The following RDH10 variants were observed in gnomAD, a reference collection of about 807,000 sequenced individuals.
RDH10 encodes the protein retinol dehydrogenase 10, also known as retinol dehydrogenase 10 (all-trans).
A neutral mutation model predicts 30.2 loss-of-function variants in RDH10; 12 were observed. That is an observed-to-expected ratio of 0.40 (90% CI 0.25 to 0.64). The LOEUF is 0.64. RDH10 is among the 30% of genes least tolerant of loss of function. The pLI is 0.43. For synonymous variants in RDH10, 189 were observed against 172.2 expected, an observed-to-expected ratio of 1.10 and a Z score of -0.76; for missense variants, 268 against 445.2, an observed-to-expected ratio of 0.60 and a Z score of 3.58.
At chr8:73,304,862 C>T (rs1196973286) in intron 2 of RDH10, among the ~76,000 whole-genome samples, 1 of 152,132 alleles carries the variant, frequency 6.6e-6, no homozygotes, top group Non-Finnish European at 1.5e-5. Flanking sequence ...GATGGCAGTC[C>T]CTGTAAAATA....
chr8:73,319,259 C>A (rs1365728648), intron 3 of RDH10, 65 bp downstream of exon 3: 3 of 1,126,088 alleles, frequency 2.7e-6, no homozygotes, highest in Admixed American at 1.9e-5. Flanking sequence ...ACACCAGAAC[C>A]TCCAGGAGAG....
intron 2 of RDH10, among the ~76,000 whole-genome samples, chr8:73,307,493 A>G (rs1814483787): frequency 6.6e-6 from 1 of 152,256 alleles, no homozygotes; most frequent in South Asian, 2.1e-4. Flanking sequence ...AAATTTTTAT[A>G]TAGCACTTAA....
chr8:73,294,808 T>C lies in RDH10; in HGVS notation c.-482T>C. 2.7e-6 allele frequency: 1 copy of C among 372,258 alleles called. No individual in the cohort carries two copies. Among genetic ancestry groups the C allele is most frequent in the Admixed American group, 4.6e-5 (1 of 21,846 alleles). The allele number at this position is 372,258 out of a possible 1,614,324, so 23.1% of individuals were successfully genotyped here. A position where few individuals can be genotyped will look rare whatever the true frequency, so the allele number is the denominator to read the frequency against. On this transcript the variant is annotated 5_prime_UTR_variant, in exon 1 of 6. Transcript: ENST00000240285. Reference sequence around the variant, plus strand: ...CCCCACTCTCCCACCCTCTCGCAACTTGGGTCGAGTTGACAACTCCCGCGG... The same window carrying C: ...CCCCACTCTCCCACCCTCTCGCAACCTGGGTCGAGTTGACAACTCCCGCGG...
At chr8:73,307,739 G>T (rs1814487916) in intron 2 of RDH10, among the ~76,000 whole-genome samples, 1 of 152,196 alleles carries the variant, frequency 6.6e-6, no homozygotes, top group African/African-American at 2.4e-5. Flanking sequence ...AAAGCTCCTG[G>T]TACAGTAGGT....
At chr8:73,319,319 T>C in intron 3 of RDH10, 125 bp downstream of exon 3, 1 of 642,368 alleles carries the variant, frequency 1.6e-6, no homozygotes, top group South Asian at 2.0e-5. Flanking sequence ...ACTCTGCATG[T>C]GTGCTGCATG....
At chr8:73,319,500 G>A (rs1274271517) in intron 3 of RDH10, among the ~76,000 whole-genome samples, 1 of 152,176 alleles carries the variant, frequency 6.6e-6, no homozygotes, top group Non-Finnish European at 1.5e-5. Context: ...ACTTCAGCCT[G>A]GGAGATAGAG....
At position 73,295,009 on chromosome 8, in the gene RDH10, G is replaced by GGGAC. The variant is rs1265624794; in HGVS notation, c.-278_-275dup. 1.1e-5 allele frequency: 4 copies of GGGAC among 373,572 alleles called. No individual in the cohort carries two copies. The highest frequency in any genetic ancestry group is 1.9e-5 in the Non-Finnish European group (4 of 210,254). The allele number at this position is 373,572 out of a possible 1,614,324, so 23.1% of individuals were successfully genotyped here. ...GCGGAGCCGGCCGGCCGGGCGCTGC[G>GGGAC]GGACGGGCGGGCGGCTGCCGGCAGG... On this transcript the variant is annotated 5_prime_UTR_variant, in exon 1 of 6. Coordinates refer to ENST00000240285, the MANE Select transcript of RDH10 (RefSeq NM_172037.5).
chr8:73,297,168 C>T, intron 1 of RDH10, 26 bp from the exon 2 acceptor site: 1 of 1,351,862 alleles, frequency 7.4e-7, no homozygotes, highest in Non-Finnish European at 1.1e-6. Context: ...TGCATGTTTT[C>T]TCCTCATCTG....
intron 4 of RDH10, 90 bp downstream of exon 4, chr8:73,321,167 C>G: frequency 8.5e-7 from 1 of 1,172,570 alleles, no homozygotes. Flanking sequence ...TGTATTTTAA[C>G]TATCATTTGA....
At chr8:73,301,515 T>C (rs966911542) in intron 2 of RDH10, among the ~76,000 whole-genome samples, 2 of 151,818 alleles carry the variant, frequency 1.3e-5, no homozygotes, top group African/African-American at 4.8e-5. Context: ...CCCAGCACTT[T>C]GGAAGGCCAA....
Position 73,294,876 on chromosome 8 carries a change from C to T in RDH10, c.-414C>T, listed in dbSNP as rs1814224127. On this transcript the variant is annotated 5_prime_UTR_variant, in exon 1 of 6. Transcript: ENST00000240285. ...CCGCCTCCGCTGCGCACCCCTCCCCCGGGGTGAGAGGGAGCCGGCGCGCCG... is the reference window on the plus strand; with the variant it reads ...CCGCCTCCGCTGCGCACCCCTCCCCTGGGGTGAGAGGGAGCCGGCGCGCCG... The T allele has an allele frequency of 2.6e-6, 1 of 391,722 alleles. No individual in the cohort carries two copies. The highest frequency in any genetic ancestry group is 4.5e-6 in the Non-Finnish European group (1 of 221,550). The allele number at this position is 391,722 out of a possible 1,614,324, so 24.3% of individuals were successfully genotyped here.
At chr8:73,305,135 C>T (rs564423429) in intron 2 of RDH10, among the ~76,000 whole-genome samples, 24 of 152,322 alleles carry the variant, frequency 1.6e-4, no homozygotes, top group African/African-American at 5.1e-4. Flanking sequence ...CAGAGTGCCC[C>T]GGCAGAGCCC....
chr8:73,324,888 G>T lies in RDH10; in HGVS notation c.*1852G>T, dbSNP rs1260119462. On this transcript the variant is annotated 3_prime_UTR_variant, in exon 6 of 6. Transcript: ENST00000240285. ...GTGTGTGCTAATGTTCCCAATGCAG[G>T]ACTTGAGGAAGAGCTCTGTTATATG... is the stretch of plus-strand genomic sequence containing the variant. 1 of 152,202 alleles carries T rather than the reference G, an allele frequency of 6.6e-6. No homozygotes were observed. The highest frequency in any genetic ancestry group is 1.5e-5 in the Non-Finnish European group (1 of 68,044). 9.4% of individuals were successfully genotyped at this position (152,202 alleles called of 1,614,324 possible).
intron 2 of RDH10, among the ~76,000 whole-genome samples, chr8:73,318,054 G>T (rs1402638589): frequency 6.6e-6 from 1 of 152,044 alleles, no homozygotes; most frequent in Non-Finnish European, 1.5e-5. Context: ...GTGTTTGGTT[G>T]TGTGGGTTTT....
In RDH10 at chr8:73,303,134, A is replaced by G. The variant is rs11991821; in HGVS notation, c.525+5705A>G. ...TAATTACTGAATTAAGCATTTATCT[A>G]TATCCAAATGTCTAAAGTCTATTTA... On this transcript the variant is annotated intron_variant, in intron 2 of 5. Transcript: ENST00000240285. 1.2e-3 allele frequency among the ~76,000 whole-genome samples: 178 copies of G among 152,360 alleles called. 3 individuals are homozygous for G. The highest frequency in any genetic ancestry group is 4.2e-3 in the African/African-American group (173 of 41,588).
At chr8:73,302,447 A>G (rs555026718) in intron 2 of RDH10, among the ~76,000 whole-genome samples, 27 of 152,282 alleles carry the variant, frequency 1.8e-4, no homozygotes, top group Non-Finnish European at 1.5e-5. Context: ...ACACTTTGGG[A>G]GGCCGAGGAG....
rs527422419 is a variant in RDH10 at position 73,307,176 on chromosome 8, TAAAA to T, written c.525+9748_525+9751del. ...TTTGCCTATAGTAAAATGGGACTGA[TAAAA>T]GAAGGATTAGAAAGGTGGTGGTGTT... is the stretch of plus-strand genomic sequence containing the variant. On this transcript the variant is annotated intron_variant, in intron 2 of 5. Transcript: ENST00000240285. Among the ~76,000 whole-genome samples the T allele has an allele frequency of 1.4e-4, 22 of 152,342 alleles. No individual in the cohort carries two copies. In the East Asian group the frequency reaches 4.2e-3, roughly 29 times the overall value.
chr8:73,294,815 G>T lies in RDH10; in HGVS notation c.-475G>T. 2.6e-6 allele frequency: 1 copy of T among 379,340 alleles called. No homozygotes were observed. Among genetic ancestry groups the T allele is most frequent in the Non-Finnish European group, 4.7e-6 (1 of 213,546 alleles). The allele number at this position is 379,340 out of a possible 1,614,324, so 23.5% of individuals were successfully genotyped here. On this transcript the variant is annotated 5_prime_UTR_variant, in exon 1 of 6. Transcript: ENST00000240285. ...CTCCCACCCTCTCGCAACTTGGGTC[G>T]AGTTGACAACTCCCGCGGCAGCCCG...
At chr8:73,302,608 C>T (rs1366289975) in intron 2 of RDH10, among the ~76,000 whole-genome samples, 1 of 152,126 alleles carries the variant, frequency 6.6e-6, no homozygotes, top group Admixed American at 6.6e-5. Context: ...TGGCTTGAGC[C>T]CAGGGGTTGT....
Sources: gnomAD v4.1 joint callset for allele counts (sites outside exome capture counted in the v4.1 genomes callset) on GRCh38, gnomAD v4.1.1 for gene constraint, MANE v1.5 for transcripts, NCBI Gene and HGNC (gene_info 2026-07-23, HGNC 2026-07-21) for gene names.